The following PTPN2 variants were observed in gnomAD, a reference collection of about 807,000 sequenced individuals.
The protein encoded by PTPN2 is protein tyrosine phosphatase non-receptor type 2, also known as tyrosine-protein phosphatase non-receptor type 2.
A neutral mutation model predicts 57.3 loss-of-function variants in PTPN2; 19 were observed. That is an observed-to-expected ratio of 0.33 (90% CI 0.23 to 0.49). The LOEUF (loss-of-function observed/expected upper bound fraction) is 0.49. PTPN2 is among the 20% of genes least tolerant of loss of function. The pLI, the probability that PTPN2 is intolerant of heterozygous loss-of-function variation, is 0.99. For missense variants in PTPN2, 358 were observed against 501.1 expected (o/e 0.71, Z 2.73); for synonymous variants, 153 against 164.9 (o/e 0.93, Z 0.55).
At position 12,794,435 on chromosome 18, in the gene PTPN2, T is replaced by C; in HGVS notation, c.1091A>G (p.Lys364Arg). 2 of 1,614,110 alleles carry C rather than the reference T, an allele frequency of 1.2e-6. No individual in the cohort carries two copies. Among genetic ancestry groups the C allele is most frequent in the Non-Finnish European group, 1.7e-6 (2 of 1,180,020 alleles). ...TAGCCTCTGTTTCATCTGCTGCACC[T>C]TCTGAGCTGTGGTGGCCTTTCTGTC... Reference protein sequence around the residue: ...REDRKATTAQKVQQMKQRLNE... With the variant: ...REDRKATTAQRVQQMKQRLNE... The change falls in exon 9 of 9, where the codon AAG (lysine) becomes AGG (arginine). Residue 364 changes from lysine (K) to arginine (R), a missense_variant. This residue lies in a region of PTPN2 where 96 missense variants were observed against 110.8 expected (regional missense o/e 0.87). Coordinates refer to ENST00000309660, the MANE Select transcript of PTPN2 (RefSeq NM_002828.4).
rs755863299 is a variant in PTPN2 at position 12,794,364 on chromosome 18, T to C, written c.1162A>G (p.Ile388Val). The change falls in exon 9 of 9, where the codon ATT becomes GTT. Residue 388 changes from isoleucine (I) to valine (V), a missense_variant. By Grantham distance (29) the Ile-to-Val change is conservative (BLOSUM62 3). Transcript: ENST00000309660. ...GACATAAACCCCATCTTAGTGAGAATAGGTTGCCAATATAACCACCTTTTT... is the reference window on the plus strand; with the variant it reads ...GACATAAACCCCATCTTAGTGAGAACAGGTTGCCAATATAACCACCTTTTT... Reference protein sequence around the residue: ...KRKRWLYWQPILTKMGFMSVI... With the variant: ...KRKRWLYWQPVLTKMGFMSVI... 1.2e-5 allele frequency: 19 copies of C among 1,614,116 alleles called. No homozygotes were observed. The highest frequency in any genetic ancestry group is 2.7e-5 in the African/African-American group (2 of 74,950).
At chr18:12,873,315 CCA>C (rs2044336758) in intron 1 of PTPN2, among the ~76,000 whole-genome samples, 2 of 149,420 alleles carry the variant, frequency 1.3e-5, no homozygotes, top group African/African-American at 2.5e-5. Flanking sequence ...CCCTCTCTTT[CCA>C]CAGTCTCCCT....
chr18:12,793,702 AT>A lies in PTPN2; in HGVS notation c.*575del, dbSNP rs1253978872. ...GTACAATTCAATCGACATACAATTT[AT>A]TTTTTTAGTAACAGATTTTTCAAAT... On this transcript the variant is annotated 3_prime_UTR_variant, in exon 9 of 9. Coordinates refer to ENST00000309660, the MANE Select transcript of PTPN2 (RefSeq NM_002828.4). The A allele has an allele frequency of 2.4e-5, 23 of 975,568 alleles. No individual in the cohort carries two copies. In the East Asian group the frequency reaches 1.0e-3, roughly 43 times the overall value. The allele number at this position is 975,568 out of a possible 1,614,324, so 60.4% of individuals were successfully genotyped here. A position where few individuals can be genotyped will look rare whatever the true frequency, so the allele number is the denominator to read the frequency against.
intron 6 of PTPN2, among the ~76,000 whole-genome samples, chr18:12,815,968 C>T (rs1326570531): frequency 6.6e-6 from 1 of 152,170 alleles, no homozygotes; most frequent in African/African-American, 2.4e-5. Flanking sequence ...TTTACAGAAA[C>T]ATCGAAGAGA....
chr18:12,793,173 C>T lies in PTPN2; in HGVS notation c.*1105G>A. ...ATGGAATGTTGAAATCTGAGGAAAGCTAGCATTCAAATGAGCAGTTAAATT... is the reference window on the plus strand; with the variant it reads ...ATGGAATGTTGAAATCTGAGGAAAGTTAGCATTCAAATGAGCAGTTAAATT... On this transcript the variant is annotated 3_prime_UTR_variant, in exon 9 of 9. Coordinates refer to ENST00000309660, the MANE Select transcript of PTPN2 (RefSeq NM_002828.4). 1 of 985,240 alleles carries T rather than the reference C, an allele frequency of 1.0e-6. No homozygotes were observed. Among genetic ancestry groups the T allele is most frequent in the Non-Finnish European group, 1.2e-6 (1 of 829,688 alleles). The allele number at this position is 985,240 out of a possible 1,614,324, so 61.0% of individuals were successfully genotyped here. A position where few individuals can be genotyped will look rare whatever the true frequency, so the allele number is the denominator to read the frequency against.
intron 5 of PTPN2, among the ~76,000 whole-genome samples, chr18:12,819,731 TCTC>T (rs1435135789): frequency 6.7e-6 from 1 of 150,174 alleles, no homozygotes; most frequent in Non-Finnish European, 1.5e-5. Context: ...TAAACTCTAG[TCTC>T]CTTTTACAAA....
downstream of PTPN2, chr18:12,788,009 T>C (rs2040885217): frequency 6.5e-6 from 1 of 154,790 alleles, no homozygotes; most frequent in African/African-American, 2.4e-5. Flanking sequence ...CTAAACTGAA[T>C]TGAGGCTAAT....
At chr18:12,807,605 A>AC (rs1555660843) in intron 7 of PTPN2, among the ~76,000 whole-genome samples, 1 of 110,530 alleles carries the variant, frequency 9.0e-6, no homozygotes, top group Non-Finnish European at 1.9e-5. Flanking sequence ...ATATATATAT[A>AC]ATATAATACT....
intron 5 of PTPN2, among the ~76,000 whole-genome samples, chr18:12,824,213 T>C (rs571066894): frequency 6.6e-6 from 1 of 152,298 alleles, no homozygotes; most frequent in South Asian, 2.1e-4. Flanking sequence ...TGGGAATGTA[T>C]AAATAAATCT....
intron 2 of PTPN2, among the ~76,000 whole-genome samples, chr18:12,841,755 C>T (rs147699829): frequency 1.3e-5 from 2 of 152,214 alleles, no homozygotes; most frequent in African/African-American, 4.8e-5. Flanking sequence ...AATCTGTCCC[C>T]AAGAGTCTGC....
At chr18:12,843,132 C>T (rs1454487971) in intron 2 of PTPN2, among the ~76,000 whole-genome samples, 1 of 152,102 alleles carries the variant, frequency 6.6e-6, no homozygotes, top group Non-Finnish European at 1.5e-5. Flanking sequence ...GCTCTACCAA[C>T]CTACATGATT....
chr18:12,808,407 A>T (rs915739492), intron 7 of PTPN2, among the ~76,000 whole-genome samples: 2 of 152,198 alleles, frequency 1.3e-5, no homozygotes, highest in African/African-American at 4.8e-5. Context: ...TAGACGTGCT[A>T]GTCTAATTTG....
Position 12,834,777 on chromosome 18 carries a change from G to T in PTPN2, c.261+2014C>A, listed in dbSNP as rs2042794494. On this transcript the variant is annotated intron_variant, in intron 3 of 8. Coordinates refer to ENST00000309660, the MANE Select transcript of PTPN2 (RefSeq NM_002828.4). ...GACCTATGTTTTTAAGAACTAAGAAGAGAACAAAAAACCAGTAAGTGATAA... is the reference window on the plus strand; with the variant it reads ...GACCTATGTTTTTAAGAACTAAGAATAGAACAAAAAACCAGTAAGTGATAA... Among the ~76,000 whole-genome samples, 4 of 152,034 alleles carry T rather than the reference G, an allele frequency of 2.6e-5. No individual in the cohort carries two copies. The South Asian group carries it at 8.3e-4, about 32-fold the overall frequency.
At chr18:12,808,912 G>C (rs1009226503) in intron 7 of PTPN2, among the ~76,000 whole-genome samples, 1 of 152,182 alleles carries the variant, frequency 6.6e-6, no homozygotes, top group Non-Finnish European at 1.5e-5. Flanking sequence ...CTAATCCAGA[G>C]GTATGTAACA....
intron 1 of PTPN2, among the ~76,000 whole-genome samples, chr18:12,870,427 GTATATATATATGTGTA>G (rs1429275213): frequency 1.3e-3 from 47 of 34,966 alleles, no homozygotes; most frequent in Non-Finnish European, 1.7e-3. Context: ...ATATATATAC[GTATATATATATGTGTA>G]TATATATATA....
chr18:12,785,876 A>G (rs774521258), intron 9 of PTPN2: 7 of 1,559,250 alleles, frequency 4.5e-6, no homozygotes, highest in East Asian at 2.2e-5. Context: ...CATCTATTCA[A>G]TTCATATTTA....
At chr18:12,869,937 C>G (rs915431217) in intron 1 of PTPN2, among the ~76,000 whole-genome samples, 3 of 152,054 alleles carry the variant, frequency 2.0e-5, no homozygotes, top group Admixed American at 2.0e-4. Flanking sequence ...TTTGAAACAC[C>G]ATTACTTTAG....
chr18:12,856,769 A>G (rs1174053976), intron 2 of PTPN2, among the ~76,000 whole-genome samples: 1 of 152,192 alleles, frequency 6.6e-6, no homozygotes, highest in South Asian at 2.1e-4. Context: ...CAGTTAAAAT[A>G]AAATTATCAG....
chr18:12,877,286 A>C (rs1488924879), intron 1 of PTPN2, among the ~76,000 whole-genome samples: 3 of 152,252 alleles, frequency 2.0e-5, no homozygotes, highest in Non-Finnish European at 4.4e-5. Flanking sequence ...GACAGTTACA[A>C]AACAATGTGG....
Sources: allele counts gnomAD v4.1 joint callset (sites outside exome capture counted in the v4.1 genomes callset), GRCh38; gene constraint gnomAD v4.1.1; regional missense constraint gnomAD v4.1.1; transcripts MANE v1.5; gene names NCBI Gene and HGNC (gene_info 2026-07-23, HGNC 2026-07-21).